ZNF888: variants seen among roughly 807,000 people sequenced by gnomAD.
The protein encoded by ZNF888 is zinc finger protein 888, also known as CTD-2331H12.6.
Under a neutral mutation model 7.2 loss-of-function variants are expected in ZNF888, and 5 were observed. The observed-to-expected ratio is 0.70, with a 90% confidence interval of 0.36 to 1.46. The LOEUF is 1.46. Among genes scored for constraint, ZNF888 ranks in the 40% most tolerant of loss-of-function variants. ZNF888 has a pLI of 0.03. For missense variants in ZNF888, 716 were observed against 858.0 expected (o/e 0.83, Z 2.07); for synonymous variants, 240 against 284.3 (o/e 0.84, Z 1.57).
At chr19:52,912,239 G>A (rs1455015506) in intron 4 of ZNF888, among the ~76,000 whole-genome samples, 7 of 149,404 alleles carry the variant, frequency 4.7e-5, no homozygotes, top group East Asian at 2.0e-4. Flanking sequence ...TCAGCCTCCC[G>A]AGTAGCTGGG....
chr19:52,912,124 T>A (rs2064688788), intron 4 of ZNF888, among the ~76,000 whole-genome samples: 1 of 94,208 alleles, frequency 1.1e-5, no homozygotes. Context: ...TTATTTTTAT[T>A]TTTTTTTGAG....
chr19:52,912,200 G>A (rs373606133), intron 4 of ZNF888, among the ~76,000 whole-genome samples: 2,844 of 149,172 alleles, frequency 0.019, 42 homozygotes, highest in South Asian at 0.04. Context: ...TGCAAGCTCC[G>A]CCTCCCGGGT....
In ZNF888 at chr19:52,907,052, C is replaced by A; in HGVS notation, c.1270G>T (p.Ala424Ser). The A allele has an allele frequency of 4.4e-6, 7 of 1,604,022 alleles. No individual in the cohort carries two copies. The highest frequency in any genetic ancestry group is 2.2e-5 in the South Asian group (2 of 90,520). ...ECGKTFGENSALLVHKTIHTG... is the reference protein window; with the variant it reads ...ECGKTFGENSSLLVHKTIHTG... ...TGAATTGTCTTGTGAACTAAGAGGG[C>A]TGAATTTTCACCAAACGTTTTGCCA... The change falls in exon 5 of 5, where the codon GCC becomes TCC. Residue 424 changes from alanine to serine, a missense_variant. Ala to Ser is a moderately conservative substitution (Grantham distance 99). Coordinates refer to ENST00000638862, the MANE Select transcript of ZNF888 (RefSeq NM_001393938.1).
chr19:52,906,538 C>T lies in ZNF888; in HGVS notation c.1784G>A (p.Cys595Tyr). The T allele has an allele frequency of 6.2e-7, 1 of 1,613,330 alleles. No individual in the cohort carries two copies. Among genetic ancestry groups the T allele is most frequent in the Non-Finnish European group, 8.5e-7 (1 of 1,179,696 alleles). ...KVFRTQSQLA[C>Y]HHRLHTGEKP... ...CTCTCCAGTATGAAGTCTATGATGA[C>T]ATGCAAGTTGTGACTGTGTCCTAAA... Residue 595 changes from cysteine to tyrosine, a missense_variant, in exon 5 of 5, where the codon TGT becomes TAT. Cys to Tyr is a radical substitution (Grantham distance 194). Transcript: ENST00000638862.
intron 1 of ZNF888, among the ~76,000 whole-genome samples, chr19:52,920,589 T>TTGTAAGACCTCAAAGAAACTTTA (rs1822364268): frequency 1.8e-5 from 1 of 56,130 alleles, no homozygotes; most frequent in African/African-American, 5.7e-5. Flanking sequence ...AGGGCAGCCA[T>TTGTAAGACCTCAAAGAAACTTTA]TGTAAGACCT....
At chr19:52,922,634 G>C (rs576766215) in intron 1 of ZNF888, among the ~76,000 whole-genome samples, 4 of 151,854 alleles carry the variant, frequency 2.6e-5, no homozygotes, top group Non-Finnish European at 5.9e-5. Flanking sequence ...ATCTGTTATG[G>C]GTCTTTCTCC....
Position 52,920,051 on chromosome 19 carries a change from G to A in ZNF888, c.-177-1114C>T, listed in dbSNP as rs1412274697. ...ACCCCTCTGCCCGGCCAGCCGCCCC[G>A]TCCGGGAGGGAGGTTGGGGGGTCAG... On this transcript the variant is annotated intron_variant, in intron 1 of 4. Coordinates refer to ENST00000638862, the MANE Select transcript of ZNF888 (RefSeq NM_001393938.1). 1.4e-4 allele frequency among the ~76,000 whole-genome samples: 7 copies of A among 51,006 alleles called. 2 individuals are homozygous for A. In the South Asian group the frequency reaches 2.5e-3, roughly 18 times the overall value. 33.5% of individuals were successfully genotyped at this position (51,006 alleles called of 152,430 possible).
Position 52,919,277 on chromosome 19 carries a change from C to A in ZNF888, c.-177-340G>T, listed in dbSNP as rs1298353319. 3.5e-5 allele frequency among the ~76,000 whole-genome samples: 2 copies of A among 57,460 alleles called. 1 individual carries two copies. Among genetic ancestry groups the A allele is most frequent in the African/African-American group, 1.1e-4 (2 of 18,246 alleles). The allele number at this position is 57,460 out of a possible 152,430, so 37.7% of individuals were successfully genotyped here. ...CACTGCAACCTCCCTGCCTGATTCT[C>A]CTGCCTCAGCCTGCCGAGCGCCTGC... On this transcript the variant is annotated intron_variant, in intron 1 of 4. Transcript: ENST00000638862.
intron 4 of ZNF888, chr19:52,913,604 G>T (rs527264294): frequency 1.4e-5 from 8 of 557,284 alleles, no homozygotes; most frequent in African/African-American, 1.0e-4. Context: ...GATTATAGGC[G>T]TGAGCCACTG....
At chr19:52,915,506 G>A (rs532074705) in intron 3 of ZNF888, among the ~76,000 whole-genome samples, 184 bp from the exon 4 acceptor site, 58 of 57,752 alleles carry the variant, frequency 1.0e-3, no homozygotes, top group African/African-American at 4.2e-3. Flanking sequence ...ATGGAGTGTC[G>A]CCCTGTCGCC....
rs7256260 is a variant in ZNF888, at chr19:52,908,115, G to A, written c.207C>T (p.His69=). The A allele has an allele frequency of 0.26, 416,851 of 1,613,494 alleles. 64,792 individuals are homozygous for A. Among genetic ancestry groups the A allele is most frequent in the African/African-American group, 0.69 (51,399 of 74,908 alleles). Reference sequence around the variant, plus strand: ...TTGCCAGTCTTTGCAATGTCCCTGTGTGGATCACTTCTGTATTGCCTTTCC... The same window carrying A: ...TTGCCAGTCTTTGCAATGTCCCTGTATGGATCACTTCTGTATTGCCTTTCC... ...SIGKGNTEVI[H]TGTLQRLASH... The change falls in exon 5 of 5, where the codon CAC becomes CAT. Residue 69 remains histidine, a synonymous_variant. Coordinates refer to ENST00000638862, the MANE Select transcript of ZNF888 (RefSeq NM_001393938.1).
rs192946083 is a variant in ZNF888, at chr19:52,907,886, G to A, written c.436C>T (p.His146Tyr). ...KYQLGSSFHS[H>Y]LPELHIFQPE... ...TGAAATATGTGCAGTTCAGGCAGAT[G>A]TGAATGAAAGCTTGATCCAAGCTGA... Residue 146 changes from histidine to tyrosine, a missense_variant, in exon 5 of 5, where the codon CAT becomes TAT. Coordinates refer to ENST00000638862, the MANE Select transcript of ZNF888 (RefSeq NM_001393938.1). 8 of 1,614,178 alleles carry A rather than the reference G, an allele frequency of 5.0e-6. No individual in the cohort carries two copies. The East Asian group carries it at 1.6e-4, about 31-fold the overall frequency.
intron 3 of ZNF888, among the ~76,000 whole-genome samples, chr19:52,916,716 T>C (rs1295932859): frequency 4.6e-5 from 7 of 151,050 alleles, no homozygotes; most frequent in Non-Finnish European, 8.8e-5. Context: ...AAAGGACACA[T>C]TGACAACTGG....
Position 52,907,171 on chromosome 19 carries a change from C to A in ZNF888, c.1151G>T (p.Cys384Phe). 6.2e-7 allele frequency: 1 copy of A among 1,612,798 alleles called. No individual in the cohort carries two copies. Among genetic ancestry groups the A allele is most frequent in the Middle Eastern group, 1.7e-4 (1 of 6,054 alleles). ...RIHTGEKPYKCKVCDKAFRHD... is the reference protein window; with the variant it reads ...RIHTGEKPYKFKVCDKAFRHD... ...TCTGAAAGCCTTGTCACAAACCTTA[C>A]ATTTGTATGGTTTCTCACCAGTGTG... The change falls in exon 5 of 5, where the codon TGT becomes TTT. Residue 384 changes from cysteine (C) to phenylalanine (F), a missense_variant. Coordinates refer to ENST00000638862, the MANE Select transcript of ZNF888 (RefSeq NM_001393938.1).
chr19:52,915,384 TGAGAA>T, intron 3 of ZNF888, 62 bp from the exon 4 acceptor site: 1 of 1,611,928 alleles, frequency 6.2e-7, no homozygotes. Context: ...TTACAGAAAA[TGAGAA>T]GAAGAGAGGG....
rs2064591041 is a variant in ZNF888, at chr19:52,905,075, T to C, written c.*1090A>G. 1 of 152,304 alleles carries C rather than the reference T, an allele frequency of 6.6e-6. No individual in the cohort carries two copies. Among genetic ancestry groups the C allele is most frequent in the South Asian group, 2.1e-4 (1 of 4,824 alleles). 9.4% of individuals were successfully genotyped at this position (152,304 alleles called of 1,614,324 possible). A position where few individuals can be genotyped will look rare whatever the true frequency, so the allele number is the denominator to read the frequency against. Reference sequence around the variant, plus strand: ...TGATCAAAATGATTAAAAACATACATAGAGATACAACCCATATTGATAGTT... The same window carrying C: ...TGATCAAAATGATTAAAAACATACACAGAGATACAACCCATATTGATAGTT... On this transcript the variant is annotated 3_prime_UTR_variant, in exon 5 of 5. Coordinates refer to ENST00000638862, the MANE Select transcript of ZNF888 (RefSeq NM_001393938.1).
chr19:52,921,085 TA>T (rs2064818875), intron 1 of ZNF888, among the ~76,000 whole-genome samples: 1 of 152,076 alleles, frequency 6.6e-6, no homozygotes, highest in African/African-American at 2.4e-5. Flanking sequence ...TCTCTGAGCC[TA>T]GATCTGAAGG....
chr19:52,922,310 C>G (rs10418884), intron 1 of ZNF888, among the ~76,000 whole-genome samples: 4,194 of 151,896 alleles, frequency 0.028, 197 homozygotes, highest in African/African-American at 0.096. Context: ...CCCCGTTATA[C>G]CCCCCTGGCC....
rs542164932 is a variant in ZNF888 at position 52,920,357 on chromosome 19, C to T, written c.-177-1420G>A. ...TTGTTCTGTACTAAGAAAAATTCTT[C>T]TGCCTTGGGATCCTGTTGATCTGTG... On this transcript the variant is annotated intron_variant, in intron 1 of 4. Transcript: ENST00000638862. Among the ~76,000 whole-genome samples the T allele has an allele frequency of 3.4e-4, 21 of 62,376 alleles. 8 individuals carry two copies. The South Asian group carries it at 0.011, about 32-fold the overall frequency. 40.9% of individuals were successfully genotyped at this position (62,376 alleles called of 152,430 possible). A position where few individuals can be genotyped will look rare whatever the true frequency, so the allele number is the denominator to read the frequency against.
Sources: allele counts gnomAD v4.1 joint callset (sites outside exome capture counted in the v4.1 genomes callset), GRCh38; gene constraint gnomAD v4.1.1; transcripts MANE v1.5; gene names NCBI Gene and HGNC (gene_info 2026-07-23, HGNC 2026-07-21).